DOCK3: variants seen among roughly 807,000 people sequenced by gnomAD.
DOCK3 encodes the protein dedicator of cytokinesis protein 3.
In DOCK3, 60 loss-of-function variants were observed where a neutral mutation model predicts 265.6. That is an observed-to-expected ratio of 0.23 (90% CI 0.18 to 0.28). The LOEUF (loss-of-function observed/expected upper bound fraction) is 0.28, where lower values mean the gene tolerates loss of function less well. Among genes scored for constraint, DOCK3 ranks in the 10% least tolerant of loss-of-function variants. The pLI is 1.00. For synonymous variants in DOCK3, 881 were observed against 938.0 expected, an observed-to-expected ratio of 0.94 and a Z score of 1.11; for missense variants, 1,981 against 2,594.3, an observed-to-expected ratio of 0.76 and a Z score of 5.14.
intron 9 of DOCK3, among the ~76,000 whole-genome samples, chr3:51,101,520 C>T (rs1297745411): frequency 1.3e-5 from 2 of 152,198 alleles, no homozygotes; most frequent in Non-Finnish European, 2.9e-5. Flanking sequence ...CCATTGTGAA[C>T]AAAGTGGTGG....
At chr3:50,851,307 A>G (rs2046348477) in intron 3 of DOCK3, among the ~76,000 whole-genome samples, 1 of 152,136 alleles carries the variant, frequency 6.6e-6, no homozygotes, top group African/African-American at 2.4e-5. Context: ...AAACCAGGCA[A>G]GCAGGTGCTC....
chr3:50,832,556 T>C (rs150075154), intron 2 of DOCK3, among the ~76,000 whole-genome samples: 30 of 152,330 alleles, frequency 2.0e-4, no homozygotes, highest in Non-Finnish European at 4.1e-4. Flanking sequence ...CTTTGTGACC[T>C]GTATCTTGTG....
rs1485276845 is a variant in DOCK3, at chr3:51,382,952, A to C, written c.*1393A>C. The C allele has an allele frequency of 6.6e-6, 1 of 152,260 alleles. No individual in the cohort carries two copies. Among genetic ancestry groups the C allele is most frequent in the East Asian group, 1.9e-4 (1 of 5,194 alleles). 9.4% of individuals were successfully genotyped at this position (152,260 alleles called of 1,614,324 possible). ...CAGGGTGCTTTTAAGTTACTTTAAA[A>C]AAAGCCTACAAAATATTTTTTTTCT... On this transcript the variant is annotated 3_prime_UTR_variant, in exon 53 of 53. Coordinates refer to ENST00000266037, the MANE Select transcript of DOCK3 (RefSeq NM_004947.5).
intron 5 of DOCK3, among the ~76,000 whole-genome samples, chr3:50,936,500 C>G (rs887492479): frequency 6.6e-6 from 1 of 151,872 alleles, no homozygotes; most frequent in Non-Finnish European, 1.5e-5. Context: ...GAAATCTATA[C>G]TCAGACACAT....
intron 2 of DOCK3, among the ~76,000 whole-genome samples, chr3:50,782,633 A>G (rs2041981228): frequency 6.7e-6 from 1 of 150,086 alleles, no homozygotes; most frequent in Admixed American, 6.7e-5. Context: ...TCTTTTCAAA[A>G]TTAAGTTTTT....
chr3:51,105,695 G>C (rs541052517), intron 9 of DOCK3, among the ~76,000 whole-genome samples: 1 of 152,294 alleles, frequency 6.6e-6, no homozygotes, highest in South Asian at 2.1e-4. Flanking sequence ...ATTAGATGGA[G>C]CCAGAAGAAC....
intron 49 of DOCK3, among the ~76,000 whole-genome samples, chr3:51,369,572 A>T (rs1169742624): frequency 6.6e-6 from 1 of 152,258 alleles, no homozygotes; most frequent in African/African-American, 2.4e-5. Flanking sequence ...TTGGTGTAAT[A>T]GCACAAATGT....
At chr3:51,271,660 G>T (rs1419845017) in intron 24 of DOCK3, among the ~76,000 whole-genome samples, 1 of 152,150 alleles carries the variant, frequency 6.6e-6, no homozygotes, top group African/African-American at 2.4e-5. Flanking sequence ...GACTAGCCTG[G>T]CAAACAGGGT....
intron 22 of DOCK3, among the ~76,000 whole-genome samples, chr3:51,249,103 G>A (rs1207486002): frequency 2.1e-3 from 302 of 141,618 alleles, no homozygotes; most frequent in Middle Eastern, 7.2e-3. Flanking sequence ...AGGGAGGTGG[G>A]GGGGGTCAGC....
intron 1 of DOCK3, among the ~76,000 whole-genome samples, chr3:50,708,155 T>TAG (rs1411424873): frequency 6.6e-6 from 1 of 152,104 alleles, no homozygotes; most frequent in Non-Finnish European, 1.5e-5. Context: ...TGGTGGGCTA[T>TAG]GTGGGCCTAT....
At chr3:51,193,668 A>G (rs551394348) in intron 12 of DOCK3, among the ~76,000 whole-genome samples, 45 of 151,428 alleles carry the variant, frequency 3.0e-4, no homozygotes, top group African/African-American at 1.0e-3. Context: ...TTAGGAATTT[A>G]TTTATTTTCT....
chr3:50,836,673 A>G (rs2045531347), intron 2 of DOCK3, among the ~76,000 whole-genome samples: 1 of 151,868 alleles, frequency 6.6e-6, no homozygotes, highest in African/African-American at 2.4e-5. Flanking sequence ...CACTTTCCTC[A>G]TTGTCTTGGT....
At chr3:50,812,143 T>C (rs1044026120) in intron 2 of DOCK3, among the ~76,000 whole-genome samples, 1 of 152,142 alleles carries the variant, frequency 6.6e-6, no homozygotes, top group Admixed American at 6.5e-5. Flanking sequence ...GAAAAACTTG[T>C]GGAAAGGCAT....
chr3:51,249,316 G>A (rs2079042176), intron 22 of DOCK3, among the ~76,000 whole-genome samples: 1 of 145,498 alleles, frequency 6.9e-6, no homozygotes, highest in South Asian at 2.2e-4. Flanking sequence ...CGCCCCGTCC[G>A]GGAGGGAGGT....
At chr3:51,035,915 G>C (rs2080245534) in intron 5 of DOCK3, among the ~76,000 whole-genome samples, 2 of 152,096 alleles carry the variant, frequency 1.3e-5, no homozygotes, top group African/African-American at 4.8e-5. Context: ...CCCTTATCAG[G>C]CTTTCTCCTT....
At chr3:51,352,853 A>C (rs767590793) in intron 40 of DOCK3, among the ~76,000 whole-genome samples, 5 of 152,196 alleles carry the variant, frequency 3.3e-5, no homozygotes, top group Non-Finnish European at 7.3e-5. Flanking sequence ...TGAAACCAAC[A>C]GTCAGCCTCA....
intron 9 of DOCK3, among the ~76,000 whole-genome samples, chr3:51,091,682 C>CA (rs36008191): frequency 0.81 from 82,224 of 102,082 alleles, 32,897 homozygotes; most frequent in Middle Eastern, 0.86. Flanking sequence ...GACTTGGTCT[C>CA]AAAAAAAAAA....
chr3:50,762,679 G>A (rs1045562296), intron 1 of DOCK3, among the ~76,000 whole-genome samples: 23 of 151,824 alleles, frequency 1.5e-4, no homozygotes, highest in Non-Finnish European at 8.8e-5. Context: ...GTTACCTGTG[G>A]GTTGAGGAAG....
intron 2 of DOCK3, among the ~76,000 whole-genome samples, chr3:50,803,123 C>T (rs974394331): frequency 6.0e-5 from 9 of 150,016 alleles, no homozygotes; most frequent in Non-Finnish European, 1.3e-4. Flanking sequence ...TTCTCGGAGA[C>T]GGGGATTTGG....
Sources: allele counts gnomAD v4.1 joint callset (sites outside exome capture counted in the v4.1 genomes callset), GRCh38; gene constraint gnomAD v4.1.1; transcripts MANE v1.5; gene names NCBI Gene and HGNC (gene_info 2026-07-23, HGNC 2026-07-21).